Variants in FREM2 observed in about 807,000 individuals in gnomAD.
FREM2 encodes the protein FRAS1 related extracellular matrix 2.
Under a neutral mutation model 219.9 loss-of-function variants are expected in FREM2, and 119 were observed. The observed-to-expected ratio is 0.54, with a 90% CI of 0.47 to 0.63. The LOEUF (loss-of-function observed/expected upper bound fraction) is 0.63. Among genes scored for constraint, FREM2 ranks in the 30% least tolerant of loss-of-function variants. FREM2 has a pLI of 0.00. For synonymous variants in FREM2, 1,562 were observed against 1,522.8 expected (o/e 1.03, Z -0.60); for missense variants, 4,030 against 3,993.6 (o/e 1.01, Z -0.25).
intron 2 of FREM2, among the ~76,000 whole-genome samples, chr13:38,763,388 T>G (rs1020061502): frequency 6.6e-6 from 1 of 152,200 alleles, no homozygotes; most frequent in Admixed American, 6.5e-5. Context: ...TCCTCTTTCA[T>G]TTCTTTTTCT....
At chr13:38,779,297 T>C (rs1245480135) in intron 4 of FREM2, 1 of 151,948 alleles carries the variant, frequency 6.6e-6, no homozygotes, top group Non-Finnish European at 1.5e-5. Flanking sequence ...AAAACCTAGA[T>C]GACAGGTTGA....
At chr13:38,694,182 A>T (rs1371178118) in intron 1 of FREM2, among the ~76,000 whole-genome samples, 1 of 152,254 alleles carries the variant, frequency 6.6e-6, no homozygotes, top group Non-Finnish European at 1.5e-5. Context: ...TCTAAAAATT[A>T]TGCTATTTCA....
chr13:38,880,309 T>C lies in FREM2; in HGVS notation c.9032T>C (p.Ile3011Thr). 1 of 1,613,986 alleles carries C rather than the reference T, an allele frequency of 6.2e-7. No homozygotes were observed. ...FQVALGREWY[I>T]HTIYTVRSKD... ...GTCGCTCTAGGCCGAGAATGGTATA[T>C]ACATACGATCTATACAGTGAGATCG... The change falls in exon 24 of 24, where the codon ATA (isoleucine) becomes ACA (threonine). Residue 3011 changes from isoleucine (I) to threonine (T), a missense_variant. Ile to Thr is a moderately conservative substitution (Grantham distance 89). Around this residue, in one of 2 missense-constraint regions of FREM2, gnomAD observed 928 missense variants for 1,042.9 expected, o/e 0.89. Transcript: ENST00000280481.
rs1486194945 is a variant in FREM2 at position 38,784,723 on chromosome 13, T to C, written c.5934T>C (p.His1978=). ...TGTACGAGGAGGAGGAAACCTTCCA[T>C]GTCCTTCTGAGCATGCCCATGGGGG... ...DSLYEEEETF[H]VLLSMPMGGR... is the part of the protein sequence containing the mutation. The change falls in exon 6 of 24, where the codon CAT becomes CAC. Residue 1978 remains histidine, a synonymous_variant. Transcript: ENST00000280481. 2 of 1,614,196 alleles carry C rather than the reference T, an allele frequency of 1.2e-6. No individual in the cohort carries two copies. The highest frequency in any genetic ancestry group is 2.2e-5 in the East Asian group (1 of 44,864).
chr13:38,760,323 T>C (rs1163346173), intron 2 of FREM2, among the ~76,000 whole-genome samples: 2 of 152,216 alleles, frequency 1.3e-5, no homozygotes, highest in African/African-American at 4.8e-5. Flanking sequence ...ACTAGCAAAC[T>C]GTTCAGCTAT....
At chr13:38,806,015 TG>T (rs750222169) in intron 6 of FREM2, among the ~76,000 whole-genome samples, 2 of 151,640 alleles carry the variant, frequency 1.3e-5, no homozygotes, top group Admixed American at 6.6e-5. Context: ...TTTTTTTTTT[TG>T]TAATAGTTTC....
intron 16 of FREM2, among the ~76,000 whole-genome samples, chr13:38,867,118 T>C (rs1311147447): frequency 1.3e-5 from 2 of 152,210 alleles, no homozygotes; most frequent in South Asian, 2.1e-4. Flanking sequence ...CTGACAACAG[T>C]CCTACTCCAT....
intron 6 of FREM2, among the ~76,000 whole-genome samples, chr13:38,814,114 TTTC>T (rs1875656569): frequency 6.6e-6 from 1 of 152,202 alleles, no homozygotes; most frequent in Non-Finnish European, 1.5e-5. Context: ...TTGTCTTAAA[TTTC>T]TTCAAGTCTC....
chr13:38,688,087 C>T lies in FREM2; in HGVS notation c.743C>T (p.Ala248Val). 1 of 1,609,548 alleles carries T rather than the reference C, an allele frequency of 6.2e-7. No individual in the cohort carries two copies. ...QVPGGAREGG[A>V]PETLLMDCKA... ...CCTGGAGGAGCCAGAGAGGGAGGCG[C>T]CCCGGAGACTCTCCTGATGGACTGC... Residue 248 changes from alanine (A) to valine (V), a missense_variant, in exon 1 of 24, where the codon GCC becomes GTC. Physicochemically the swap from Ala to Val is moderately conservative, Grantham distance 64. Around this residue, in one of 2 missense-constraint regions of FREM2, gnomAD observed 3,102 missense variants for 2,950.7 expected, o/e 1.05. Transcript: ENST00000280481.
intron 6 of FREM2, among the ~76,000 whole-genome samples, chr13:38,841,991 G>T (rs1044251928): frequency 6.6e-6 from 1 of 152,148 alleles, no homozygotes; most frequent in Non-Finnish European, 1.5e-5. Flanking sequence ...GGAAAGCAGG[G>T]TGCTCCCCAC....
chr13:38,730,481 G>A (rs987919965), intron 2 of FREM2, among the ~76,000 whole-genome samples: 1 of 152,142 alleles, frequency 6.6e-6, no homozygotes, highest in East Asian at 1.9e-4. Flanking sequence ...GTGAGCTTTC[G>A]CTGTTCTATC....
chr13:38,773,987 T>C (rs1873774412), intron 4 of FREM2, among the ~76,000 whole-genome samples: 1 of 150,702 alleles, frequency 6.6e-6, no homozygotes, highest in African/African-American at 2.4e-5. Flanking sequence ...ATAAAATATA[T>C]AATAAAACTA....
At chr13:38,779,482 A>G (rs918839105) in intron 4 of FREM2, 2 of 151,996 alleles carry the variant, frequency 1.3e-5, no homozygotes, top group African/African-American at 2.4e-5. Context: ...CTGTGCAAGG[A>G]TGCCAAGCAA....
rs749932417 is a variant in FREM2 at position 38,690,054 on chromosome 13, C to G, written c.2710C>G (p.His904Asp). The change falls in exon 1 of 24, where the codon CAT becomes GAT. Residue 904 changes from histidine to aspartate, a missense_variant. This residue lies in a region of FREM2 where 3,102 missense variants were observed against 2,950.7 expected (regional missense o/e 1.05). Coordinates refer to ENST00000280481, the MANE Select transcript of FREM2 (RefSeq NM_207361.6). ...DIKQGRVSYA[H>D]NGDKSLTDSC... The stretch of plus-strand genomic sequence containing the variant: ...AAAACAGGGCCGAGTTTCCTATGCC[C>G]ATAATGGGGACAAGTCCCTGACTGA... 6.2e-7 allele frequency: 1 copy of G among 1,613,834 alleles called. No homozygotes were observed. Among genetic ancestry groups the G allele is most frequent in the African/African-American group, 1.3e-5 (1 of 74,900 alleles).
intron 6 of FREM2, among the ~76,000 whole-genome samples, chr13:38,812,756 A>G (rs1875542800): frequency 6.6e-6 from 1 of 151,868 alleles, no homozygotes; most frequent in Non-Finnish European, 1.5e-5. Context: ...GGTGGTGTGT[A>G]CCTGTAGTCC....
chr13:38,874,709 A>G, intron 18 of FREM2, 123 bp downstream of exon 18: 1 of 769,968 alleles, frequency 1.3e-6, no homozygotes, highest in Non-Finnish European at 2.3e-6. Flanking sequence ...TGAATTGTAC[A>G]TGTGGGATTA....
At chr13:38,873,961 GTTAATC>G (rs1381482843) in intron 17 of FREM2, among the ~76,000 whole-genome samples, 3 of 152,104 alleles carry the variant, frequency 2.0e-5, no homozygotes, top group African/African-American at 7.2e-5. Context: ...GTATATTTAA[GTTAATC>G]TTAATGAGGA....
chr13:38,715,859 G>A (rs1224409903), intron 2 of FREM2, among the ~76,000 whole-genome samples: 1 of 151,650 alleles, frequency 6.6e-6, no homozygotes, highest in Non-Finnish European at 1.5e-5. Flanking sequence ...TTTGTGAAAG[G>A]AAATTAATTT....
intron 16 of FREM2, among the ~76,000 whole-genome samples, chr13:38,865,761 T>G (rs145082087): frequency 7.9e-4 from 121 of 152,232 alleles, no homozygotes; most frequent in Non-Finnish European, 1.6e-3. Flanking sequence ...CCAATAGAAA[T>G]AGCAATAGAG....
Sources: gnomAD v4.1 joint callset for allele counts (sites outside exome capture counted in the v4.1 genomes callset) on GRCh38, gnomAD v4.1.1 for gene constraint, gnomAD v4.1.1 regional missense constraint, MANE v1.5 for transcripts, NCBI Gene and HGNC (gene_info 2026-07-23, HGNC 2026-07-21) for gene names.